Variants in KDM4A observed in about 807,000 individuals in gnomAD.
KDM4A encodes lysine demethylase 4A.
KDM4A carries 23 observed loss-of-function variants against 127.1 expected under a neutral mutation model. That is an observed-to-expected ratio of 0.18 (90% confidence interval 0.13 to 0.26). The LOEUF is 0.26. KDM4A is among the 10% of genes least tolerant of loss of function. The probability of loss-of-function intolerance (pLI) is 1.00; values close to 1 mark genes in which losing one functional copy is unlikely to be tolerated. For synonymous variants in KDM4A, 443 were observed against 466.5 expected (o/e 0.95, Z 0.65); for missense variants, 890 against 1,329.1 (o/e 0.67, Z 5.14).
chr1:43,691,593 A>C (rs1303076532), intron 15 of KDM4A, 21 bp downstream of exon 15: 1 of 1,600,064 alleles, frequency 6.2e-7, no homozygotes, highest in Admixed American at 1.7e-5. Flanking sequence ...CCACACTGTT[A>C]CTGTCTTCAC....
chr1:43,664,468 G>A (rs1553231088), intron 5 of KDM4A, among the ~76,000 whole-genome samples: 2 of 152,178 alleles, frequency 1.3e-5, no homozygotes, highest in Non-Finnish European at 2.9e-5. Flanking sequence ...TGTAGTTTGG[G>A]TGCTGTGTAA....
At chr1:43,651,928 G>C (rs1035251305) in intron 1 of KDM4A, among the ~76,000 whole-genome samples, 1 of 152,202 alleles carries the variant, frequency 6.6e-6, no homozygotes, top group African/African-American at 2.4e-5. Context: ...CTTGTCTGTA[G>C]CTTGATTTCA....
intron 11 of KDM4A, among the ~76,000 whole-genome samples, chr1:43,679,926 G>A (rs1240514498): frequency 5.9e-5 from 9 of 152,212 alleles, no homozygotes; most frequent in Non-Finnish European, 8.8e-5. Flanking sequence ...CTGCTATCCC[G>A]CCCTGTCTGC....
At chr1:43,673,442 G>T (rs1660671717) in intron 11 of KDM4A, among the ~76,000 whole-genome samples, 2 of 152,040 alleles carry the variant, frequency 1.3e-5, no homozygotes, top group Admixed American at 1.3e-4. Context: ...TTTGGCTGCA[G>T]TACTTGACAC....
intron 12 of KDM4A, among the ~76,000 whole-genome samples, chr1:43,685,286 T>C (rs921028945): frequency 1.3e-5 from 2 of 152,006 alleles, no homozygotes; most frequent in African/African-American, 4.8e-5. Flanking sequence ...AGCCCAGAGA[T>C]CCAGGATGAT....
At chr1:43,671,907 G>T (rs879068780) in intron 11 of KDM4A, 32 bp downstream of exon 11, 6 of 1,518,620 alleles carry the variant, frequency 4.0e-6, no homozygotes, top group South Asian at 1.3e-5. Flanking sequence ...GTGGGGTGGG[G>T]AGCTGCCCTG....
At chr1:43,681,566 A>G (rs1660857318) in intron 11 of KDM4A, among the ~76,000 whole-genome samples, 1 of 152,086 alleles carries the variant, frequency 6.6e-6, no homozygotes, top group Non-Finnish European at 1.5e-5. Context: ...CTTCCTCCAC[A>G]TGAGCCCTCT....
At chr1:43,677,546 TG>T (rs1375511836) in intron 11 of KDM4A, among the ~76,000 whole-genome samples, 4 of 152,198 alleles carry the variant, frequency 2.6e-5, no homozygotes, top group African/African-American at 7.2e-5. Context: ...GATTTGCCGA[TG>T]ATGTTCTGAA....
intron 19 of KDM4A, 195 bp from the exon 20 acceptor site, chr1:43,703,422 A>G: frequency 2.0e-6 from 1 of 507,284 alleles, no homozygotes; most frequent in South Asian, 3.2e-5. Context: ...GTCACCTAGA[A>G]GCAGGAGAGG....
chr1:43,699,415 A>AAC (rs1661328210), intron 19 of KDM4A, among the ~76,000 whole-genome samples: 1 of 152,136 alleles, frequency 6.6e-6, no homozygotes, highest in African/African-American at 2.4e-5. Context: ...GTAATTTATT[A>AAC]AGCTGGTACA....
intron 11 of KDM4A, among the ~76,000 whole-genome samples, chr1:43,673,369 C>G (rs1031522380): frequency 6.6e-6 from 1 of 152,156 alleles, no homozygotes; most frequent in Admixed American, 6.5e-5. Flanking sequence ...AATACCATCA[C>G]GAGCCCCCGC....
chr1:43,662,663 A>G (rs138524295), intron 4 of KDM4A, among the ~76,000 whole-genome samples: 2 of 152,174 alleles, frequency 1.3e-5, no homozygotes, highest in Admixed American at 1.3e-4. Flanking sequence ...TCTTTCCTAC[A>G]CTAGTATTCA....
intron 5 of KDM4A, among the ~76,000 whole-genome samples, chr1:43,665,419 T>C (rs951597788): frequency 1.3e-5 from 2 of 151,946 alleles, no homozygotes; most frequent in African/African-American, 4.8e-5. Flanking sequence ...TAAAGGAGAG[T>C]AATATTATGT....
At chr1:43,669,019 TTGTGTGTGGA>T in intron 9 of KDM4A, 71 bp from the exon 10 acceptor site, 1 of 1,423,454 alleles carries the variant, frequency 7.0e-7, no homozygotes, top group Non-Finnish European at 9.8e-7. Flanking sequence ...TCACTTTGGG[TTGTGTGTGGA>T]TGTGTATGAA....
At chr1:43,660,074 T>G (rs1660336384) in intron 3 of KDM4A, among the ~76,000 whole-genome samples, 1 of 152,138 alleles carries the variant, frequency 6.6e-6, no homozygotes, top group South Asian at 2.1e-4. Flanking sequence ...GAAGACCGGT[T>G]TACATCTGTG....
chr1:43,671,773 GCA>G lies in KDM4A; in HGVS notation c.1635_1636del (p.His545GlnfsTer24). ...AAGGGCAAACGGGAGTTCTCACTGT[GCA>G]CAGTTATGCCAAAGGGGATGGCAGG... ...AQGQTGVLTV[H>X]SYAKGDGRVT... On this transcript the variant is annotated frameshift_variant, in exon 11 of 22. Transcript: ENST00000372396. LOFTEE classifies it high-confidence loss of function. 6.2e-7 allele frequency: 1 copy of G among 1,613,594 alleles called. No individual in the cohort carries two copies. Among genetic ancestry groups the G allele is most frequent in the Non-Finnish European group, 8.5e-7 (1 of 1,179,628 alleles).
chr1:43,704,195 G>T (rs1350133929), intron 21 of KDM4A, 35 bp from the exon 22 acceptor site: 2 of 1,613,766 alleles, frequency 1.2e-6, no homozygotes, highest in Non-Finnish European at 1.7e-6. Context: ...TTGTTCCTGG[G>T]GTAGCTGACA....
At chr1:43,697,363 G>A (rs902317684) in intron 18 of KDM4A, among the ~76,000 whole-genome samples, 5 of 152,264 alleles carry the variant, frequency 3.3e-5, no homozygotes, top group Non-Finnish European at 7.3e-5. Context: ...ATGGGGGACA[G>A]TTTGTTGTGT....
At chr1:43,683,838 C>T (rs1660912111) in intron 12 of KDM4A, 34 bp downstream of exon 12, 1 of 1,611,266 alleles carries the variant, frequency 6.2e-7, no homozygotes, top group Non-Finnish European at 8.5e-7. Flanking sequence ...AGGAGGAAAG[C>T]AGCTCACCAC....
Sources: gnomAD v4.1 joint callset for allele counts (sites outside exome capture counted in the v4.1 genomes callset) on GRCh38, gnomAD v4.1.1 for gene constraint, MANE v1.5 for transcripts, NCBI Gene and HGNC (gene_info 2026-07-23, HGNC 2026-07-21) for gene names.